TUSC3: variants seen among roughly 807,000 people sequenced by gnomAD.
The protein encoded by TUSC3 is dolichyl-diphosphooligosaccharide--protein glycosyltransferase subunit TUSC3.
In TUSC3, 45 loss-of-function variants were observed where a neutral mutation model predicts 44.8. The ratio of observed to expected loss-of-function variants is 1.00; its 90% CI spans 0.79 to 1.29. The LOEUF is 1.29. Ranked by LOEUF, TUSC3 falls within the 50% of genes most tolerant of loss-of-function variation. The pLI is 0.00. For synonymous variants in TUSC3, 212 were observed against 152.9 expected (o/e 1.39, Z -2.85); for missense variants, 519 against 437.9 (o/e 1.19, Z -1.65).
At chr8:15,467,853 C>T (rs181069175) in intron 1 of TUSC3, among the ~76,000 whole-genome samples, 170 of 152,114 alleles carry the variant, frequency 1.1e-3, no homozygotes, top group African/African-American at 3.2e-3. Context: ...GTTTTTTATC[C>T]ACAATACCTT....
chr8:15,546,750 G>C (rs1007708343), intron 1 of TUSC3, among the ~76,000 whole-genome samples: 1 of 151,488 alleles, frequency 6.6e-6, no homozygotes, highest in Non-Finnish European at 1.5e-5. Flanking sequence ...GGTCAGGCTG[G>C]TCTGTAACTC....
At chr8:15,645,634 G>C (rs183417379) in intron 2 of TUSC3, among the ~76,000 whole-genome samples, 2 of 152,098 alleles carry the variant, frequency 1.3e-5, no homozygotes, top group East Asian at 3.9e-4. Flanking sequence ...TGAAAATGTT[G>C]AGTATAAATT....
chr8:15,771,945 C>A, the TUSC3 span, among the ~76,000 whole-genome samples: 1 of 151,866 alleles, frequency 6.6e-6, no homozygotes, highest in Non-Finnish European at 1.5e-5. Context: ...AAAAATTAGC[C>A]AGGTGTGGTA....
chr8:15,848,462 G>A, the TUSC3 span, among the ~76,000 whole-genome samples: 1 of 152,166 alleles, frequency 6.6e-6, no homozygotes, highest in African/African-American at 2.4e-5. Context: ...AGGCTGCTTT[G>A]TGGGATGCCT....
chr8:15,686,313 G>T (rs1171517873), intron 6 of TUSC3, among the ~76,000 whole-genome samples: 2 of 151,956 alleles, frequency 1.3e-5, no homozygotes, highest in Non-Finnish European at 2.9e-5. Flanking sequence ...TTATTTTCAA[G>T]ATTTGGATTT....
At chr8:15,569,655 C>T (rs1470778818) in intron 1 of TUSC3, among the ~76,000 whole-genome samples, 1 of 152,124 alleles carries the variant, frequency 6.6e-6, no homozygotes, top group Non-Finnish European at 1.5e-5. Context: ...GGGACTTTCC[C>T]TGGGCTAACG....
chr8:15,610,779 G>A (rs1441518994), intron 1 of TUSC3, among the ~76,000 whole-genome samples: 1 of 152,110 alleles, frequency 6.6e-6, no homozygotes, highest in African/African-American at 2.4e-5. Flanking sequence ...TCATTCAGTA[G>A]AGGTATAGGG....
chr8:15,708,883 G>C (rs1809725203), intron 6 of TUSC3, among the ~76,000 whole-genome samples: 1 of 151,862 alleles, frequency 6.6e-6, no homozygotes, highest in African/African-American at 2.4e-5. Context: ...TTCAGATTAG[G>C]AAAAGATCTG....
chr8:15,566,500 G>A (rs1305569978), intron 1 of TUSC3, among the ~76,000 whole-genome samples: 3 of 152,022 alleles, frequency 2.0e-5, no homozygotes, highest in African/African-American at 7.2e-5. Flanking sequence ...GGAAAGAGCT[G>A]GACCACAACA....
intron 1 of TUSC3, among the ~76,000 whole-genome samples, chr8:15,602,119 A>C (rs2129154899): frequency 6.6e-6 from 1 of 151,740 alleles, no homozygotes; most frequent in Non-Finnish European, 1.5e-5. Context: ...TGTTAAGAAT[A>C]AGGATGCTCA....
At chr8:15,569,230 C>G (rs753815886) in intron 1 of TUSC3, among the ~76,000 whole-genome samples, 2 of 152,150 alleles carry the variant, frequency 1.3e-5, no homozygotes, top group Non-Finnish European at 2.9e-5. Context: ...GATAGATAAG[C>G]TACTAAATTC....
intron 1 of TUSC3, among the ~76,000 whole-genome samples, chr8:15,562,026 C>G (rs368725621): frequency 2.6e-5 from 4 of 152,246 alleles, no homozygotes; most frequent in East Asian, 1.9e-4. Flanking sequence ...CTTGGCTCCT[C>G]TCTTCAAAAA....
At position 15,766,044 on chromosome 8, in the gene TUSC3, A is replaced by G. The variant is rs1291349226; in HGVS notation, c.*1888A>G. On this transcript the variant is annotated 3_prime_UTR_variant, in exon 11 of 11. Coordinates refer to ENST00000503731, the MANE Select transcript of TUSC3 (RefSeq NM_006765.4). ...CAAAGTCAGGTCATCCTCAGACACT[A>G]TAACTAAGATAGATAAGGAGTACTT... The G allele has an allele frequency of 6.6e-6, 1 of 152,110 alleles. No individual in the cohort carries two copies. The highest frequency in any genetic ancestry group is 2.4e-5 in the African/African-American group (1 of 41,442). The allele number at this position is 152,110 out of a possible 1,614,324, so 9.4% of individuals were successfully genotyped here.
At chr8:15,531,740 A>G (rs571045620) in intron 2 of TUSC3, among the ~76,000 whole-genome samples, 8 of 152,286 alleles carry the variant, frequency 5.3e-5, no homozygotes, top group East Asian at 3.9e-4. Context: ...TTTTGCTGCT[A>G]TGTAACTTGG....
chr8:15,504,618 T>C (rs1302588257), intron 2 of TUSC3, among the ~76,000 whole-genome samples: 1 of 21,328 alleles, frequency 4.7e-5, no homozygotes, highest in Admixed American at 7.7e-4. Flanking sequence ...TATATATATA[T>C]ATATTTTTTT....
intron 6 of TUSC3, among the ~76,000 whole-genome samples, chr8:15,726,395 A>C (rs926092577): frequency 2.6e-5 from 4 of 152,180 alleles, no homozygotes; most frequent in African/African-American, 4.8e-5. Context: ...CTTCTGCATA[A>C]AATTGGGCTT....
intron 1 of TUSC3, among the ~76,000 whole-genome samples, chr8:15,475,917 A>G (rs1800568707): frequency 6.6e-6 from 1 of 152,188 alleles, no homozygotes; most frequent in South Asian, 2.1e-4. Context: ...TCCAACAAGA[A>G]TAACTCAGTA....
At chr8:15,738,827 C>CTTTTTTTTTTTTTTTTTTTT (rs375655033) in intron 7 of TUSC3, among the ~76,000 whole-genome samples, 3 of 87,170 alleles carry the variant, frequency 3.4e-5, no homozygotes, top group African/African-American at 9.7e-5. Flanking sequence ...ATATATCTTG[C>CTTTTTTTTTTTTTTTTTTTT]TTTTTTTTTT....
intron 1 of TUSC3, among the ~76,000 whole-genome samples, chr8:15,419,182 G>C (rs1192470644): frequency 2.0e-5 from 3 of 152,242 alleles, no homozygotes; most frequent in Middle Eastern, 3.4e-3. Flanking sequence ...GTAACTGTGA[G>C]AAGGGAGAAA....
Sources: allele counts gnomAD v4.1 joint callset (sites outside exome capture counted in the v4.1 genomes callset), GRCh38; gene constraint gnomAD v4.1.1; transcripts MANE v1.5; gene names NCBI Gene and HGNC (gene_info 2026-07-23, HGNC 2026-07-21).